Variants in HDAC4 observed in about 807,000 individuals in gnomAD.
HDAC4 encodes histone deacetylase A.
Under a neutral mutation model 135.1 loss-of-function variants are expected in HDAC4, and 16 were observed. That is an observed-to-expected ratio of 0.12 (90% CI 0.08 to 0.18). The LOEUF is 0.18. Among genes scored for constraint, HDAC4 ranks in the 10% least tolerant of loss-of-function variants. The probability of loss-of-function intolerance (pLI) is 1.00; values close to 1 mark genes in which losing one functional copy is unlikely to be tolerated. For synonymous variants in HDAC4, 685 were observed against 653.4 expected (o/e 1.05, Z -0.74); for missense variants, 1,143 against 1,511.8 (o/e 0.76, Z 4.05).
intron 2 of HDAC4, among the ~76,000 whole-genome samples, chr2:239,282,829 C>T (rs2050885594): frequency 6.6e-6 from 1 of 151,610 alleles, no homozygotes; most frequent in Admixed American, 6.6e-5. Context: ...AATGTACACA[C>T]CACTCTACAA....
At chr2:239,090,896 C>A (rs983301644) in intron 17 of HDAC4, among the ~76,000 whole-genome samples, 1 of 152,222 alleles carries the variant, frequency 6.6e-6, no homozygotes, top group African/African-American at 2.4e-5. Context: ...CACGACCAGT[C>A]TCTTCCAATA....
At chr2:239,374,405 T>A (rs1694852546) in intron 1 of HDAC4, among the ~76,000 whole-genome samples, 2 of 118,338 alleles carry the variant, frequency 1.7e-5, no homozygotes, top group South Asian at 6.3e-4. Context: ...TTTTTTTTTT[T>A]TTTTTTTTTT....
At chr2:239,164,396 C>T (rs2043003520) in intron 5 of HDAC4, among the ~76,000 whole-genome samples, 1 of 152,254 alleles carries the variant, frequency 6.6e-6, no homozygotes, top group African/African-American at 2.4e-5. Flanking sequence ...ACGGCCGGCT[C>T]TGCTTCCAAC....
Position 239,111,638 on chromosome 2 carries a change from G to A in HDAC4, c.1866C>T (p.Ile622=), listed in dbSNP as rs2152799552. ...NYQASMEAAG[I]PVSFGGHRPL... is the part of the protein sequence containing the mutation. The stretch of plus-strand genomic sequence containing the variant: ...GCCTGTGGCCGCCGAAGGACACGGG[G>A]ATGCCGGCGGCCTCCATGGACGCCT... The change falls in exon 14 of 27, where the codon ATC becomes ATT. Residue 622 remains isoleucine (I), a synonymous_variant. Coordinates refer to ENST00000543185, the MANE Select transcript of HDAC4 (RefSeq NM_001378414.1). 6.2e-7 allele frequency: 1 copy of A among 1,608,450 alleles called. No individual in the cohort carries two copies. The highest frequency in any genetic ancestry group is 8.5e-7 in the Non-Finnish European group (1 of 1,178,100).
In HDAC4 at chr2:239,189,819, G is replaced by A. The variant is rs756669327; in HGVS notation, c.339+14C>T. The A allele has an allele frequency of 1.3e-5, 20 of 1,599,998 alleles. No individual in the cohort carries two copies. The highest frequency in any genetic ancestry group is 2.2e-5 in the East Asian group (1 of 44,788). ...GGAGGCCTGGCCCACCCGCAGCCCC[G>A]CACCGCGCCTCACCTTGATGTGCTC... On this transcript the variant is annotated intron_variant, in intron 4 of 26. Coordinates refer to ENST00000543185, the MANE Select transcript of HDAC4 (RefSeq NM_001378414.1).
intron 2 of HDAC4, among the ~76,000 whole-genome samples, chr2:239,326,440 G>A (rs2053472364): frequency 6.6e-6 from 1 of 152,192 alleles, no homozygotes; most frequent in Non-Finnish European, 1.5e-5. Flanking sequence ...GGATGGTGGT[G>A]ATGGTTGCCC....
intron 12 of HDAC4, among the ~76,000 whole-genome samples, chr2:239,118,642 T>C (rs1286609798): frequency 2.0e-5 from 3 of 152,160 alleles, no homozygotes; most frequent in Non-Finnish European, 4.4e-5. Context: ...CAAGGGGGCA[T>C]GGATGAGGTC....
chr2:239,352,862 A>C lies in HDAC4; in HGVS notation c.-163T>G. 8 of 726,058 alleles carry C rather than the reference A, an allele frequency of 1.1e-5. No homozygotes were observed. The highest frequency in any genetic ancestry group is 1.5e-5 in the Non-Finnish European group (6 of 412,618). 45.0% of individuals were successfully genotyped at this position (726,058 alleles called of 1,614,324 possible). A position where few individuals can be genotyped will look rare whatever the true frequency, so the allele number is the denominator to read the frequency against. ...CGCCGAGCCTCGCCGGCAAGGTCTC[A>C]TGAGCCAGGTAACCCACAAGTTGAA... On this transcript the variant is annotated 5_prime_UTR_variant, in exon 2 of 27. It removes an upstream start codon present in the reference 5' UTR. Coordinates refer to ENST00000543185, the MANE Select transcript of HDAC4 (RefSeq NM_001378414.1). The surrounding 1 kb of genome is among the most constrained non-coding windows in gnomAD (Gnocchi z 4.4).
chr2:239,370,167 CA>C, intron 1 of HDAC4, among the ~76,000 whole-genome samples: 1 of 152,288 alleles, frequency 6.6e-6, no homozygotes, highest in Admixed American at 6.5e-5. Context: ...TCTGCGGGGT[CA>C]AAACAGAGTT....
At chr2:239,216,246 A>G (rs1423725940) in intron 3 of HDAC4, among the ~76,000 whole-genome samples, 1 of 152,140 alleles carries the variant, frequency 6.6e-6, no homozygotes. Flanking sequence ...ATGTACATGT[A>G]TATGTAGTAT....
intron 1 of HDAC4, among the ~76,000 whole-genome samples, chr2:239,392,600 C>T (rs1696303078): frequency 1.3e-5 from 2 of 152,180 alleles, no homozygotes; most frequent in South Asian, 4.1e-4. Flanking sequence ...GACCCACAGG[C>T]CATCTTCCCC....
At position 239,177,121 on chromosome 2, in the gene HDAC4, T is replaced by C. The variant is rs79915440; in HGVS notation, c.340-558A>G. Among the ~76,000 whole-genome samples the C allele has an allele frequency of 3.6e-3, 542 of 152,254 alleles. 2 individuals are homozygous for C. The highest frequency in any genetic ancestry group is 0.01 in the Middle Eastern group (3 of 294). Reference sequence around the variant, plus strand: ...CACTTGGAGAAATGATGTGTGTTCATCAAAGAGAATACCACCTAACCATAA... The same window carrying C: ...CACTTGGAGAAATGATGTGTGTTCACCAAAGAGAATACCACCTAACCATAA... On this transcript the variant is annotated intron_variant, in intron 4 of 26. Coordinates refer to ENST00000543185, the MANE Select transcript of HDAC4 (RefSeq NM_001378414.1).
At chr2:239,144,071 G>C (rs2041592998) in intron 8 of HDAC4, among the ~76,000 whole-genome samples, 1 of 152,060 alleles carries the variant, frequency 6.6e-6, no homozygotes, top group East Asian at 1.9e-4. Flanking sequence ...CACTAGATGG[G>C]GCCAACCGTG....
chr2:239,277,588 G>A (rs1342382569), intron 2 of HDAC4, among the ~76,000 whole-genome samples: 2 of 152,186 alleles, frequency 1.3e-5, no homozygotes, highest in African/African-American at 2.4e-5. Context: ...CAAGCTCACC[G>A]GACATGTGCC....
At chr2:239,293,230 T>A (rs2051638070) in intron 2 of HDAC4, among the ~76,000 whole-genome samples, 1 of 152,220 alleles carries the variant, frequency 6.6e-6, no homozygotes, top group African/African-American at 2.4e-5. Context: ...GACAAGTCTC[T>A]TCTCGACAGA....
At chr2:239,221,223 C>A (rs956867511) in intron 3 of HDAC4, among the ~76,000 whole-genome samples, 1 of 152,122 alleles carries the variant, frequency 6.6e-6, no homozygotes, top group Non-Finnish European at 1.5e-5. Context: ...GGGGATGGAG[C>A]GGACATCGGC....
chr2:239,265,134 G>A (rs916046707), intron 2 of HDAC4, among the ~76,000 whole-genome samples: 15 of 152,112 alleles, frequency 9.9e-5, no homozygotes, highest in Admixed American at 5.2e-4. Flanking sequence ...CTGTGAACCC[G>A]CCCCAGGGGA....
At chr2:239,319,452 C>T (rs1427430963) in intron 2 of HDAC4, among the ~76,000 whole-genome samples, 14 of 152,264 alleles carry the variant, frequency 9.2e-5, no homozygotes, top group Admixed American at 9.2e-4. Flanking sequence ...AGGCGAGGGC[C>T]ACCTCCCGGG....
intron 2 of HDAC4, among the ~76,000 whole-genome samples, chr2:239,280,719 T>C (rs1382199780): frequency 6.6e-6 from 1 of 152,070 alleles, no homozygotes; most frequent in Non-Finnish European, 1.5e-5. Context: ...TCCATCCAAG[T>C]CTTGTCCCCA....
Sources: allele counts gnomAD v4.1 joint callset (sites outside exome capture counted in the v4.1 genomes callset), GRCh38; gene constraint gnomAD v4.1.1; non-coding constraint Gnocchi (gnomAD v3.1); transcripts MANE v1.5; gene names NCBI Gene and HGNC (gene_info 2026-07-23, HGNC 2026-07-21).